Variants in CEP170 observed in about 807,000 individuals in gnomAD.
CEP170 encodes centrosomal protein 170.
In CEP170, 21 loss-of-function variants were observed where a neutral mutation model predicts 151.9. The ratio of observed to expected loss-of-function variants is 0.14; its 90% CI spans 0.10 to 0.20. CEP170 has a LOEUF of 0.20. CEP170 is among the 10% of genes least tolerant of loss of function. The pLI is 1.00. For synonymous variants in CEP170, 356 were observed against 648.8 expected (o/e 0.55, Z 6.86); for missense variants, 964 against 1,892.9 (o/e 0.51, Z 9.11).
Position 243,125,445 on chromosome 1 carries a change from ACTG to A in CEP170, c.*1001_*1003del, listed in dbSNP as rs1163547484. The stretch of plus-strand genomic sequence containing the variant: ...GAAACTATCAACTAATCTTACGACT[ACTG>A]GTTCTCCAAGTCCCCTAATGAAGAA... On this transcript the variant is annotated 3_prime_UTR_variant, in exon 20 of 20. Coordinates refer to ENST00000366542, the MANE Select transcript of CEP170 (RefSeq NM_014812.3). 6.5e-6 allele frequency: 1 copy of A among 152,724 alleles called. No individual in the cohort carries two copies. The highest frequency in any genetic ancestry group is 6.5e-5 in the Admixed American group (1 of 15,280). The allele number at this position is 152,724 out of a possible 1,614,324, so 9.5% of individuals were successfully genotyped here.
At chr1:243,154,443 A>C (rs189892298) in intron 14 of CEP170, among the ~76,000 whole-genome samples, 34 of 152,320 alleles carry the variant, frequency 2.2e-4, no homozygotes, top group Non-Finnish European at 4.1e-4. Context: ...TTAAATATCC[A>C]CATTTCCTTC....
intron 13 of CEP170, among the ~76,000 whole-genome samples, chr1:243,157,096 C>G: frequency 6.6e-6 from 1 of 152,180 alleles, no homozygotes; most frequent in Non-Finnish European, 1.5e-5. Flanking sequence ...GTACAACTCT[C>G]TGCTGCTTTG....
chr1:243,182,866 G>A (rs2059711315), intron 10 of CEP170, among the ~76,000 whole-genome samples: 2 of 152,162 alleles, frequency 1.3e-5, no homozygotes, highest in Non-Finnish European at 2.9e-5. Flanking sequence ...ACATTTGTTT[G>A]TGTCTCTTTC....
chr1:243,211,348 T>G (rs995874585), intron 4 of CEP170: 1 of 152,328 alleles, frequency 6.6e-6, no homozygotes, highest in Non-Finnish European at 1.5e-5. Flanking sequence ...AAATACACAC[T>G]AAATGCATAA....
intron 1 of CEP170, among the ~76,000 whole-genome samples, chr1:243,252,377 A>G (rs949265596): frequency 4.6e-5 from 7 of 152,184 alleles, no homozygotes; most frequent in South Asian, 2.1e-4. Flanking sequence ...CAGGAATACA[A>G]TTTTGTGGAA....
At chr1:243,221,567 T>C (rs1234855584) in intron 3 of CEP170, 157 bp downstream of exon 3, 10 of 667,658 alleles carry the variant, frequency 1.5e-5, no homozygotes, top group Non-Finnish European at 2.5e-5. Flanking sequence ...TCATATTCTA[T>C]TGGATGGTCC....
At chr1:243,215,511 G>T (rs2062192398) in intron 3 of CEP170, among the ~76,000 whole-genome samples, 1 of 152,090 alleles carries the variant, frequency 6.6e-6, no homozygotes, top group South Asian at 2.1e-4. Context: ...TGGAGATAAG[G>T]GATGAAATAA....
rs934667517 is a variant in CEP170 at position 243,239,437 on chromosome 1, C to A, written c.-41-14116G>T. 3.3e-5 allele frequency among the ~76,000 whole-genome samples: 5 copies of A among 152,284 alleles called. No homozygotes were observed. In the South Asian group the frequency reaches 1.0e-3, roughly 32 times the overall value. On this transcript the variant is annotated intron_variant, in intron 1 of 19. Transcript: ENST00000366542. ...GTCTCTAGCCTCCCACTCTCCAAAT[C>A]CTTCCTCTATCCAGCTATCAAAATT...
At chr1:243,231,221 T>A (rs971747444) in intron 1 of CEP170, among the ~76,000 whole-genome samples, 5 of 151,702 alleles carry the variant, frequency 3.3e-5, no homozygotes, top group African/African-American at 9.7e-5. Context: ...CATTATTATT[T>A]TTTTTAAGCA....
chr1:243,221,857 A>T (rs751403398), intron 2 of CEP170, 44 bp from the exon 3 acceptor site: 10 of 1,530,952 alleles, frequency 6.5e-6, no homozygotes, highest in Non-Finnish European at 7.9e-6. Context: ...AAAATACTAG[A>T]ATAAATACCA....
intron 4 of CEP170, among the ~76,000 whole-genome samples, chr1:243,210,141 C>G (rs527925754): frequency 2.0e-5 from 3 of 152,262 alleles, no homozygotes; most frequent in East Asian, 3.9e-4. Flanking sequence ...ATATTATGAG[C>G]TGGTACGTAA....
intron 7 of CEP170, among the ~76,000 whole-genome samples, chr1:243,194,314 T>C (rs1016588887): frequency 1.3e-5 from 2 of 151,928 alleles, no homozygotes; most frequent in African/African-American, 4.8e-5. Context: ...AGTATCAGTA[T>C]TATTATATTA....
chr1:243,200,640 G>A lies in CEP170; in HGVS notation c.374C>T (p.Ser125Phe), dbSNP rs1168087933. 2 of 1,540,590 alleles carry A rather than the reference G, an allele frequency of 1.3e-6. No homozygotes were observed. The highest frequency in any genetic ancestry group is 1.7e-4 in the Middle Eastern group (1 of 5,786). ...AGATTTGGATAATTCTGATTCTGAAGATTTTTGGGACAACTGAAGCTGAAT... is the reference window on the plus strand; with the variant it reads ...AGATTTGGATAATTCTGATTCTGAAAATTTTTGGGACAACTGAAGCTGAAT... ...FTIQLQLSQK[S>F]SESELSKSAS... The change falls in exon 6 of 20, where the codon TCT becomes TTT. Residue 125 changes from serine to phenylalanine, a missense_variant. By Grantham distance (155) the Ser-to-Phe change is radical. Coordinates refer to ENST00000366542, the MANE Select transcript of CEP170 (RefSeq NM_014812.3).
chr1:243,169,747 G>A lies in CEP170; in HGVS notation c.1724C>T (p.Thr575Ile), dbSNP rs768349507. ...CCAACGTTTGCTTCCAGATGAAGATGTGCCTTCCTAAAGGAGAAAAATAAG... is the reference window on the plus strand; with the variant it reads ...CCAACGTTTGCTTCCAGATGAAGATATGCCTTCCTAAAGGAGAAAAATAAG... ...TSGFHHSEEG[T>I]SSSGSKRWVS... Residue 575 changes from threonine to isoleucine, a missense_variant, in exon 12 of 20, where the codon ACA (threonine) becomes ATA (isoleucine). Coordinates refer to ENST00000366542, the MANE Select transcript of CEP170 (RefSeq NM_014812.3). 4.3e-6 allele frequency: 7 copies of A among 1,612,018 alleles called. No individual in the cohort carries two copies. The South Asian group carries it at 6.6e-5, about 15-fold the overall frequency.
chr1:243,145,321 T>C (rs994301137), intron 14 of CEP170, among the ~76,000 whole-genome samples: 1 of 152,216 alleles, frequency 6.6e-6, no homozygotes, highest in Non-Finnish European at 1.5e-5. Context: ...TGTTGCCAGG[T>C]TGGAGTGCAG....
At chr1:243,249,759 G>A in intron 1 of CEP170, among the ~76,000 whole-genome samples, 1 of 152,112 alleles carries the variant, frequency 6.6e-6, no homozygotes, top group South Asian at 2.1e-4. Flanking sequence ...CTTTACTGCT[G>A]GAGGATATAA....
In CEP170 at chr1:243,137,839, A is replaced by G. The variant is rs183451471; in HGVS notation, c.4231-1608T>C. On this transcript the variant is annotated intron_variant, in intron 16 of 19. Transcript: ENST00000366542. The stretch of plus-strand genomic sequence containing the variant: ...GAGTTCATTGATGAGTGGCATAAAT[A>G]AGGAAGTGATCATGGAAAAACGTGA... Among the ~76,000 whole-genome samples the G allele has an allele frequency of 4.2e-4, 64 of 152,218 alleles. No homozygotes were observed. The East Asian group carries it at 0.01, about 24-fold the overall frequency.
chr1:243,233,529 C>T (rs1457232023), intron 1 of CEP170, among the ~76,000 whole-genome samples: 1 of 151,754 alleles, frequency 6.6e-6, no homozygotes. Flanking sequence ...GTCAGGAGAT[C>T]AAGACCATCC....
At chr1:243,250,897 C>T (rs2065878129) in intron 1 of CEP170, among the ~76,000 whole-genome samples, 1 of 152,164 alleles carries the variant, frequency 6.6e-6, no homozygotes, top group Admixed American at 6.5e-5. Flanking sequence ...ACTTTGCATT[C>T]AGACCATAAC....
Sources: gnomAD v4.1 joint callset for allele counts (sites outside exome capture counted in the v4.1 genomes callset) on GRCh38, gnomAD v4.1.1 for gene constraint, MANE v1.5 for transcripts, NCBI Gene and HGNC (gene_info 2026-07-23, HGNC 2026-07-21) for gene names.